MID2: variants seen among roughly 807,000 people sequenced by gnomAD.
MID2 encodes probable E3 ubiquitin-protein ligase MID2.
A neutral mutation model predicts 46.1 loss-of-function variants in MID2; 13 were observed. The observed-to-expected ratio is 0.28, with a 90% CI of 0.18 to 0.45. MID2 has a LOEUF of 0.45. Ranked by LOEUF, MID2 falls within the 20% of genes least tolerant of loss-of-function variation. MID2 has a pLI of 1.00. For missense variants in MID2, 431 were observed against 575.4 expected, an observed-to-expected ratio of 0.75 and a Z score of 2.57; for synonymous variants, 199 against 212.3, an observed-to-expected ratio of 0.94 and a Z score of 0.55.
At chrX:107,843,642 G>A (rs1158894849) in intron 2 of MID2, among the ~76,000 whole-genome samples, 11 of 111,347 alleles carry the variant, frequency 9.9e-5, no homozygotes, top group African/African-American at 2.9e-4. Flanking sequence ...ACTTTGGGGA[G>A]GTGAGAGAGG....
At chrX:107,854,053 T>TA (rs746928744) in intron 2 of MID2, among the ~76,000 whole-genome samples, 35 of 112,230 alleles carry the variant, frequency 3.1e-4, no homozygotes, top group Admixed American at 7.5e-4. Flanking sequence ...TAGTTCAACT[T>TA]ACGATTTTTC....
chrX:107,848,323 G>A (rs147387343), intron 2 of MID2, among the ~76,000 whole-genome samples: 317 of 112,027 alleles, frequency 2.8e-3, no homozygotes, highest in African/African-American at 9.7e-3. Flanking sequence ...TGGCTCACTA[G>A]TCTGAGGGTT....
intron 1 of MID2, among the ~76,000 whole-genome samples, chrX:107,832,254 G>T (rs1163232717): frequency 2.7e-5 from 3 of 111,456 alleles, no homozygotes; most frequent in Non-Finnish European, 5.7e-5. Context: ...GAAAAGAAAA[G>T]AGACAGCCCT....
At chrX:107,908,751 A>G (rs1468135079) in intron 5 of MID2, among the ~76,000 whole-genome samples, 1 of 107,533 alleles carries the variant, frequency 9.3e-6, no homozygotes, top group Non-Finnish European at 1.9e-5. Context: ...AGTCCTAGCT[A>G]CTTGGGAGGC....
intron 5 of MID2, among the ~76,000 whole-genome samples, chrX:107,909,340 A>G (rs1204669532): frequency 1.8e-5 from 2 of 111,340 alleles, no homozygotes; most frequent in Non-Finnish European, 3.8e-5. Context: ...CTATTGCTAG[A>G]CCTATGTGAG....
chrX:107,924,621 G>A (rs1012459721), intron 8 of MID2, 117 bp downstream of exon 8: 32 of 782,228 alleles, frequency 4.1e-5, no homozygotes, highest in Non-Finnish European at 5.7e-5. Flanking sequence ...GGGTAGAGGA[G>A]CTATACTGTT....
chrX:107,843,140 G>A (rs1412167711), intron 2 of MID2, among the ~76,000 whole-genome samples: 1 of 111,993 alleles, frequency 8.9e-6, no homozygotes, highest in East Asian at 2.8e-4. Flanking sequence ...ATAGGAGCGG[G>A]GTTATAGGAA....
At chrX:107,914,302 G>C (rs1241196162) in intron 5 of MID2, among the ~76,000 whole-genome samples, 2 of 112,016 alleles carry the variant, frequency 1.8e-5, no homozygotes, top group African/African-American at 6.5e-5. Context: ...AGGCCAGAAA[G>C]AAATTCCATG....
In MID2 at chrX:107,916,105, C is replaced by A; in HGVS notation, c.1177C>A (p.Leu393Ile). The stretch of plus-strand genomic sequence containing the variant: ...AGATTTTTCCAGAGAAAAGAAACTG[C>A]TAGAGGGGTTAGATTATTTAACAGG... ...ALDFSREKKL[L>I]EGLDYLTAPN... The change falls in exon 6 of 10, where the codon CTA becomes ATA. Residue 393 changes from leucine (L) to isoleucine (I), a missense_variant. Transcript: ENST00000262843. The A allele has an allele frequency of 2.5e-6, 3 of 1,199,534 alleles. No individual in the cohort carries two copies. The highest frequency in any genetic ancestry group is 3.4e-6 in the Non-Finnish European group (3 of 890,265).
In MID2 at chrX:107,841,301, A is replaced by G. The variant is rs1032326041; in HGVS notation, c.636A>G (p.Gln212=). Residue 212 remains glutamine (Q), a synonymous_variant, in exon 2 of 10, where the codon CAA becomes CAG. Transcript: ENST00000262843. ...ACATGTACTGTGTATCTGATGACCAATTGATCTGTGCCTTATGCAAACTGG... is the reference window on the plus strand; with the variant it reads ...ACATGTACTGTGTATCTGATGACCAGTTGATCTGTGCCTTATGCAAACTGG... ...KVNMYCVSDD[Q]LICALCKLVG... is the part of the protein sequence containing the mutation. 35 of 1,209,165 alleles carry G rather than the reference A, an allele frequency of 2.9e-5. No homozygotes were observed. Among genetic ancestry groups the G allele is most frequent in the Non-Finnish European group, 3.6e-5 (32 of 894,806 alleles).
chrX:107,896,730 A>T (rs1025774217), intron 3 of MID2, among the ~76,000 whole-genome samples: 4 of 111,791 alleles, frequency 3.6e-5, no homozygotes, highest in Admixed American at 2.8e-4. Flanking sequence ...TGCAATGGTT[A>T]ACTCTAGAGA....
chrX:107,927,078 C>A lies in MID2; in HGVS notation c.*5C>A. On this transcript the variant is annotated 3_prime_UTR_variant, in exon 10 of 10. Transcript: ENST00000262843. ...GGGATGAAAACCTGTCATTAAGTTT[C>A]AGGAGAGTATATAATTCACTGGCTC... 1 of 1,192,474 alleles carries A rather than the reference C, an allele frequency of 8.4e-7. No homozygotes were observed. Among genetic ancestry groups the A allele is most frequent in the Non-Finnish European group, 1.1e-6 (1 of 884,450 alleles).
chrX:107,859,821 C>T (rs1384777747), intron 3 of MID2, among the ~76,000 whole-genome samples: 1 of 111,999 alleles, frequency 8.9e-6, no homozygotes, highest in African/African-American at 3.2e-5. Context: ...AGCATGGAGA[C>T]GTTCAGGGAA....
chrX:107,907,897 C>T (rs921453421), intron 5 of MID2, among the ~76,000 whole-genome samples: 6 of 112,190 alleles, frequency 5.3e-5, no homozygotes, highest in Non-Finnish European at 1.1e-4. Flanking sequence ...AGAGTTCTTA[C>T]TTTGTACTGG....
intron 2 of MID2, among the ~76,000 whole-genome samples, chrX:107,844,086 C>A (rs1391776841): frequency 1.8e-5 from 2 of 111,632 alleles, no homozygotes; most frequent in Non-Finnish European, 3.8e-5. Context: ...ACATTTGTAA[C>A]TACTTTTTAT....
At chrX:107,863,852 C>T (rs997142404) in intron 3 of MID2, among the ~76,000 whole-genome samples, 9 of 112,468 alleles carry the variant, frequency 8.0e-5, no homozygotes, top group African/African-American at 1.3e-4. Flanking sequence ...CTCTGTGGTA[C>T]GGTAAGCAAG....
chrX:107,872,763 G>A (rs1471330988), intron 3 of MID2, among the ~76,000 whole-genome samples: 1 of 112,211 alleles, frequency 8.9e-6, no homozygotes, highest in Non-Finnish European at 1.9e-5. Flanking sequence ...ACCTCCAACA[G>A]TTGTTTCAGT....
rs1320807646 is a variant in MID2, at chrX:107,925,658, A to C, written c.1598-436A>C. The stretch of plus-strand genomic sequence containing the variant: ...CAGACATCATAACACTCTTTCTGTT[A>C]AAATCTACCCAAATCCCAAACAACC... On this transcript the variant is annotated intron_variant, in intron 8 of 9. Transcript: ENST00000262843. 6.3e-5 allele frequency among the ~76,000 whole-genome samples: 7 copies of C among 111,852 alleles called. No individual in the cohort carries two copies. The Admixed American group carries it at 6.7e-4, about 11-fold the overall frequency.
chrX:107,875,548 C>T (rs1932178252), intron 3 of MID2, among the ~76,000 whole-genome samples: 1 of 111,191 alleles, frequency 9.0e-6, no homozygotes, highest in South Asian at 3.8e-4. Flanking sequence ...GCCAATTTTC[C>T]CTTGAATTGC....
Sources: allele counts gnomAD v4.1 joint callset (sites outside exome capture counted in the v4.1 genomes callset), GRCh38; gene constraint gnomAD v4.1.1; transcripts MANE v1.5; gene names NCBI Gene and HGNC (gene_info 2026-07-23, HGNC 2026-07-21).